Variants in FAM237A observed in about 807,000 individuals in gnomAD.
FAM237A encodes the protein protein FAM237A.
FAM237A carries 14 observed loss-of-function variants against 12.5 expected under a neutral mutation model. That is an observed-to-expected ratio of 1.12 (90% CI 0.74 to 1.75). The LOEUF (loss-of-function observed/expected upper bound fraction) is 1.75, where lower values mean the gene tolerates loss of function less well. Ranked by LOEUF, FAM237A falls within the 40% of genes most tolerant of loss-of-function variation. The pLI is 0.00. For synonymous variants in FAM237A, 85 were observed against 77.5 expected, an observed-to-expected ratio of 1.10 and a Z score of -0.51; for missense variants, 240 against 211.7, an observed-to-expected ratio of 1.13 and a Z score of -0.83.
At chr2:206,648,589 A>G (rs905993026) in intron 2 of FAM237A, 72 bp from the exon 3 acceptor site, 1 of 1,435,478 alleles carries the variant, frequency 7.0e-7, no homozygotes, top group East Asian at 2.6e-5. Flanking sequence ...CCTTTTAAAG[A>G]TAATTTATTG....
intron 2 of FAM237A, among the ~76,000 whole-genome samples, chr2:206,645,949 GT>G (rs113660378): frequency 0.013 from 1,926 of 147,294 alleles, 40 homozygotes; most frequent in African/African-American, 0.044. Context: ...ACAGACCATG[GT>G]TTTTTTTTTT....
rs1699346433 is a variant in FAM237A at position 206,648,625 on chromosome 2, T to C, written c.413-36T>C. The C allele has an allele frequency of 1.9e-6, 3 of 1,557,108 alleles. No homozygotes were observed. The South Asian group carries it at 3.7e-5, about 19-fold the overall frequency. Reference sequence around the variant, plus strand: ...ATATTTAATTAACCTGAAACTAATTTGGTGATCTTATGAAGTTCCGCTTTT... The same window carrying C: ...ATATTTAATTAACCTGAAACTAATTCGGTGATCTTATGAAGTTCCGCTTTT... On this transcript the variant is annotated intron_variant, in intron 2 of 2. Coordinates refer to ENST00000441223, the MANE Select transcript of FAM237A (RefSeq NM_001102659.3).
intron 2 of FAM237A, among the ~76,000 whole-genome samples, chr2:206,645,719 G>C (rs545600435): frequency 6.6e-6 from 1 of 152,168 alleles, no homozygotes; most frequent in East Asian, 1.9e-4. Context: ...CTCATGATTT[G>C]CTAATCCAAA....
At position 206,646,090 on chromosome 2, in the gene FAM237A, G is replaced by A. The variant is rs562432383; in HGVS notation, c.412+1442G>A. 3.9e-5 allele frequency among the ~76,000 whole-genome samples: 6 copies of A among 152,126 alleles called. No individual in the cohort carries two copies. In the South Asian group the frequency reaches 1.2e-3, roughly 32 times the overall value. On this transcript the variant is annotated intron_variant, in intron 2 of 2. Transcript: ENST00000441223. Reference sequence around the variant, plus strand: ...GGCCAAGGCAGGCGGAACACGAGGTGAGGAGATCGAGACCATCCTGGCTAA... The same window carrying A: ...GGCCAAGGCAGGCGGAACACGAGGTAAGGAGATCGAGACCATCCTGGCTAA...
chr2:206,644,190 A>G (rs1699287554), intron 1 of FAM237A, 37 bp from the exon 2 acceptor site: 17 of 1,521,334 alleles, frequency 1.1e-5, no homozygotes, highest in Non-Finnish European at 1.5e-5. Context: ...GCAGAGCACA[A>G]GCGGGGACTG....
Position 206,647,997 on chromosome 2 carries a change from C to G in FAM237A, c.413-664C>G, listed in dbSNP as rs79214218. Among the ~76,000 whole-genome samples, 319 of 152,202 alleles carry G rather than the reference C, an allele frequency of 2.1e-3. 13 individuals carry two copies. In the East Asian group the frequency reaches 0.057, roughly 27 times the overall value. On this transcript the variant is annotated intron_variant, in intron 2 of 2. Transcript: ENST00000441223. Reference sequence around the variant, plus strand: ...GGTGTCTCACTAGCTGGCCAATGCTCATAGTGCTTATATTTTAAACACTAA... The same window carrying G: ...GGTGTCTCACTAGCTGGCCAATGCTGATAGTGCTTATATTTTAAACACTAA...
chr2:206,644,541 A>T lies in FAM237A; in HGVS notation c.305A>T (p.Tyr102Phe). The change falls in exon 2 of 3, where the codon TAT becomes TTT. Residue 102 changes from tyrosine to phenylalanine, a missense_variant. Coordinates refer to ENST00000441223, the MANE Select transcript of FAM237A (RefSeq NM_001102659.3). ...CTGGCCCAACTCTTCTGGGACATCT[A>T]TGTGGACTGTGTGCTCTCTAGGAAC... is the stretch of plus-strand genomic sequence containing the variant. ...WDLAQLFWDI[Y>F]VDCVLSRNHG... The T allele has an allele frequency of 1.9e-6, 3 of 1,614,032 alleles. No homozygotes were observed. The highest frequency in any genetic ancestry group is 1.1e-5 in the South Asian group (1 of 91,080).
At position 206,644,334 on chromosome 2, in the gene FAM237A, G is replaced by A; in HGVS notation, c.98G>A (p.Cys33Tyr). Residue 33 changes from cysteine to tyrosine, a missense_variant, in exon 2 of 3, where the codon TGC (cysteine) becomes TAC (tyrosine). Physicochemically the swap from Cys to Tyr is radical, Grantham distance 194 (BLOSUM62 -2). Transcript: ENST00000441223. ...ATGTGCTGTGTATCTCCTTTCTTCT[G>A]CCATAGCCAGACAGACTTGCTGGCT... ...VGMCCVSPFF[C>Y]HSQTDLLALS... is the part of the protein sequence containing the mutation. The A allele has an allele frequency of 6.2e-7, 1 of 1,613,438 alleles. No individual in the cohort carries two copies. Among genetic ancestry groups the A allele is most frequent in the Non-Finnish European group, 8.5e-7 (1 of 1,179,662 alleles).
chr2:206,643,270 T>C (rs1699275955), intron 1 of FAM237A, among the ~76,000 whole-genome samples: 1 of 152,170 alleles, frequency 6.6e-6, no homozygotes, highest in South Asian at 2.1e-4. Context: ...TATGTGCCCT[T>C]CCTATTTTTT....
At chr2:206,648,338 C>T (rs1429902113) in intron 2 of FAM237A, among the ~76,000 whole-genome samples, 1 of 152,112 alleles carries the variant, frequency 6.6e-6, no homozygotes, top group African/African-American at 2.4e-5. Flanking sequence ...GAGTGGTTTA[C>T]ATTTTTTTCT....
In FAM237A at chr2:206,648,738, C is replaced by CGT. The variant is rs1429576224; in HGVS notation, c.491_492dup (p.Arg165ValfsTer11). 6.4e-7 allele frequency: 1 copy of CGT among 1,570,728 alleles called. No homozygotes were observed. Among genetic ancestry groups the CGT allele is most frequent in the African/African-American group, 1.4e-5 (1 of 73,942 alleles). ...TGAAGATTTGATAAGCATGCATGTG[C>CGT]GTAGGAGTGGGTCTAGTGTCATTGG... On this transcript the variant is annotated frameshift_variant, in exon 3 of 3. Transcript: ENST00000441223. LOFTEE classifies it high-confidence loss of function.
At position 206,644,242 on chromosome 2, in the gene FAM237A, T is replaced by G. The variant is rs566086163; in HGVS notation, c.6T>G (p.Ala2=). The G allele has an allele frequency of 6.3e-7, 1 of 1,597,884 alleles. No individual in the cohort carries two copies. Among genetic ancestry groups the G allele is most frequent in the Non-Finnish European group, 8.5e-7 (1 of 1,171,764 alleles). Residue 2 remains alanine, a synonymous_variant, in exon 2 of 3, where the codon GCT becomes GCG. Transcript: ENST00000441223. The part of the protein sequence containing the change: M[A]DPGNRGGIHR... ...TCCTGTGCAGTTTTAGGGCCATGGC[T>G]GATCCTGGGAACAGAGGAGGGATCC...
In FAM237A at chr2:206,642,577, C is replaced by T. The variant is rs971238706; in HGVS notation, c.-16C>T. On this transcript the variant is annotated 5_prime_UTR_variant, in exon 1 of 3. Transcript: ENST00000441223. This position sits in a 1 kb window ranked among gnomAD's most constrained non-coding sequence, Gnocchi z 5.1. ...CCATCTGGGAGTAGAGCCGCCGAGT[C>T]AGGAGGTGAGTGGGGCCCAAAGGAC... is the stretch of plus-strand genomic sequence containing the variant. The T allele has an allele frequency of 2.6e-5, 4 of 153,104 alleles. No homozygotes were observed. Among genetic ancestry groups the T allele is most frequent in the Non-Finnish European group, 4.4e-5 (3 of 68,760 alleles). The allele number at this position is 153,104 out of a possible 1,614,324, so 9.5% of individuals were successfully genotyped here. A position where few individuals can be genotyped will look rare whatever the true frequency, so the allele number is the denominator to read the frequency against.
In FAM237A at chr2:206,642,689, G is replaced by A. The variant is rs1699268898; in HGVS notation, c.-11+107G>A. ...CGAGACTCAGCGCGGGGCTCGTAGC[G>A]GGGTGCACGGAGGACTCTAGGTTCA... is the stretch of plus-strand genomic sequence containing the variant. On this transcript the variant is annotated intron_variant, in intron 1 of 2. Transcript: ENST00000441223. This position sits in a 1 kb window ranked among gnomAD's most constrained non-coding sequence, Gnocchi z 5.1. 1 of 152,566 alleles carries A rather than the reference G, an allele frequency of 6.6e-6. No individual in the cohort carries two copies. The highest frequency in any genetic ancestry group is 2.1e-4 in the South Asian group (1 of 4,840). 9.5% of individuals were successfully genotyped at this position (152,566 alleles called of 1,614,324 possible). A position where few individuals can be genotyped will look rare whatever the true frequency, so the allele number is the denominator to read the frequency against.
rs917079552 is a variant in FAM237A at position 206,649,230 on chromosome 2, C to A, written c.*436C>A. On this transcript the variant is annotated 3_prime_UTR_variant, in exon 3 of 3. Coordinates refer to ENST00000441223, the MANE Select transcript of FAM237A (RefSeq NM_001102659.3). ...ACATTTTGGAATTACTAGTTACTGA[C>A]AATCTATGATATCTGAATCTTGTTT... 1.3e-5 allele frequency among the ~76,000 whole-genome samples: 2 copies of A among 152,138 alleles called. No individual in the cohort carries two copies. The highest frequency in any genetic ancestry group is 4.8e-5 in the African/African-American group (2 of 41,446).
intron 1 of FAM237A, chr2:206,643,491 A>C (rs1288671911): frequency 1.3e-5 from 2 of 152,214 alleles, no homozygotes; most frequent in Admixed American, 1.3e-4. Context: ...ATTGAAAGCC[A>C]GAAAAGTTGA....
chr2:206,644,993 A>T (rs1213807244), intron 2 of FAM237A, among the ~76,000 whole-genome samples: 1 of 152,230 alleles, frequency 6.6e-6, no homozygotes, highest in African/African-American at 2.4e-5. Context: ...TAGCCTGAAC[A>T]CTGGCAGTCA....
At position 206,644,533 on chromosome 2, in the gene FAM237A, G is replaced by A. The variant is rs372313698; in HGVS notation, c.297G>A (p.Trp99Ter). ...TTTGGGATCTGGCCCAACTCTTCTG[G>A]GACATCTATGTGGACTGTGTGCTCT... ...ALFWDLAQLF[W>*]DIYVDCVLSR... The change falls in exon 2 of 3, where the codon TGG (tryptophan) becomes TGA (stop). Residue 99 changes from tryptophan (W) to a stop codon, truncating the protein, a stop_gained. Coordinates refer to ENST00000441223, the MANE Select transcript of FAM237A (RefSeq NM_001102659.3). LOFTEE classifies it high-confidence loss of function. The A allele has an allele frequency of 5.8e-5, 94 of 1,613,864 alleles. No homozygotes were observed. The highest frequency in any genetic ancestry group is 7.3e-5 in the Non-Finnish European group (86 of 1,179,896).
intron 2 of FAM237A, among the ~76,000 whole-genome samples, chr2:206,648,233 A>G (rs963585785): frequency 6.6e-6 from 1 of 152,218 alleles, no homozygotes; most frequent in African/African-American, 2.4e-5. Flanking sequence ...ACCTGGAAAC[A>G]ATCTAAATGT....
Sources: allele counts gnomAD v4.1 joint callset (sites outside exome capture counted in the v4.1 genomes callset), GRCh38; gene constraint gnomAD v4.1.1; non-coding constraint Gnocchi (gnomAD v3.1); transcripts MANE v1.5; gene names NCBI Gene and HGNC (gene_info 2026-07-23, HGNC 2026-07-21).